PUM3: variants seen among roughly 807,000 people sequenced by gnomAD.
The protein encoded by PUM3 is pumilio RNA binding family member 3.
PUM3 carries 91 observed loss-of-function variants against 84.0 expected under a neutral mutation model. The ratio of observed to expected loss-of-function variants is 1.08; its 90% CI spans 0.91 to 1.29. The LOEUF (loss-of-function observed/expected upper bound fraction) is 1.29. PUM3 is among the 50% of genes most tolerant of loss of function. The pLI is 0.00. For missense variants in PUM3, 1,067 were observed against 767.5 expected (o/e 1.39, Z -4.61); for synonymous variants, 321 against 266.7 (o/e 1.20, Z -1.98).
At chr9:2,807,663 C>T in intron 17 of PUM3, 151 bp downstream of exon 17, 1 of 325,450 alleles carries the variant, frequency 3.1e-6, no homozygotes, top group Non-Finnish European at 5.8e-6. Flanking sequence ...CATTTGCTTT[C>T]TAATATTTGG....
chr9:2,838,013 G>C (rs1816175073), intron 2 of PUM3, among the ~76,000 whole-genome samples: 2 of 152,066 alleles, frequency 1.3e-5, no homozygotes, highest in South Asian at 4.1e-4. Context: ...CATTTGTATA[G>C]TCCCTTGACT....
chr9:2,811,492 C>T lies in PUM3; in HGVS notation c.1504G>A (p.Val502Met). ...SYLQEHAQEVVLDKSACVLVS... is the reference protein window; with the variant it reads ...SYLQEHAQEVMLDKSACVLVS... ...AACACACACGCAGACTTATCTAGCA[C>T]CACTTCTTGGGCGTGTTCTTGCAGG... The change falls in exon 15 of 18, where the codon GTG becomes ATG. Residue 502 changes from valine (V) to methionine (M), a missense_variant. By Grantham distance (21) the Val-to-Met change is conservative. Transcript: ENST00000397885. The T allele has an allele frequency of 6.2e-7, 1 of 1,614,178 alleles. No homozygotes were observed. The highest frequency in any genetic ancestry group is 8.5e-7 in the Non-Finnish European group (1 of 1,180,032).
intron 13 of PUM3, among the ~76,000 whole-genome samples, chr9:2,818,578 ATCAGCCAAT>A (rs1821520468): frequency 6.6e-6 from 1 of 152,250 alleles, no homozygotes; most frequent in Non-Finnish European, 1.5e-5. Flanking sequence ...AACTTTATTC[ATCAGCCAAT>A]TCTATGGCCT....
intron 12 of PUM3, among the ~76,000 whole-genome samples, chr9:2,823,211 AC>A (rs1267695918): frequency 6.6e-6 from 1 of 152,056 alleles, no homozygotes. Context: ...TTTTGAAGCA[AC>A]AAATCCCCCA....
chr9:2,808,030 C>T, intron 16 of PUM3, 126 bp from the exon 17 acceptor site: 1 of 627,262 alleles, frequency 1.6e-6, no homozygotes, highest in South Asian at 2.1e-5. Context: ...AGCTTTCACC[C>T]AATCTCCCTT....
intron 8 of PUM3, among the ~76,000 whole-genome samples, chr9:2,829,439 G>A (rs545239931): frequency 7.2e-4 from 110 of 152,338 alleles, no homozygotes; most frequent in African/African-American, 2.6e-3. Flanking sequence ...GCCAGAGCTG[G>A]TTGGGGGTGG....
intron 1 of PUM3, among the ~76,000 whole-genome samples, chr9:2,838,842 T>A (rs1044765694): frequency 1.3e-5 from 2 of 152,162 alleles, no homozygotes; most frequent in African/African-American, 4.8e-5. Flanking sequence ...ATAATAAGCA[T>A]CAGAGTTTGC....
intron 8 of PUM3, among the ~76,000 whole-genome samples, chr9:2,829,253 T>C (rs984443805): frequency 2.6e-5 from 4 of 152,206 alleles, no homozygotes; most frequent in African/African-American, 7.2e-5. Flanking sequence ...AGGTTTGAAA[T>C]AGATTCTTTA....
rs767879045 is a variant in PUM3, at chr9:2,837,366, C to T, written c.118G>A (p.Val40Ile). ...GSSKTFPTRK[V>I]AKEGGPKVTS... ...ACTTTAGGTCCACCTTCTTTAGCAA[C>T]TTTCCTTGTTGGAAATGTCTTTGAA... is the stretch of plus-strand genomic sequence containing the variant. Residue 40 changes from valine to isoleucine, a missense_variant, in exon 3 of 18, where the codon GTT (valine) becomes ATT (isoleucine). Transcript: ENST00000397885. The T allele has an allele frequency of 3.7e-6, 6 of 1,613,504 alleles. No individual in the cohort carries two copies. Among genetic ancestry groups the T allele is most frequent in the African/African-American group, 1.3e-5 (1 of 74,878 alleles).
At chr9:2,821,115 A>G (rs1003054975) in intron 12 of PUM3, among the ~76,000 whole-genome samples, 2 of 152,194 alleles carry the variant, frequency 1.3e-5, no homozygotes, top group African/African-American at 2.4e-5. Context: ...AAGACAAACA[A>G]CAAAGGTCTT....
Position 2,828,734 on chromosome 9 carries a change from T to C in PUM3, c.897A>G (p.Pro299=), listed in dbSNP as rs746378439. The change falls in exon 9 of 18, where the codon CCA becomes CCG. Residue 299 remains proline (P), a synonymous_variant. Transcript: ENST00000397885. ...RTLDKVLEVQ[P]EKLELIMDEM... ...CATCCATAATAAGTTCTAATTTTTCTGGCTGTACCTCTAACACTTTGTCCA... is the reference window on the plus strand; with the variant it reads ...CATCCATAATAAGTTCTAATTTTTCCGGCTGTACCTCTAACACTTTGTCCA... 1.2e-4 allele frequency: 192 copies of C among 1,609,736 alleles called. No homozygotes were observed. The highest frequency in any genetic ancestry group is 1.6e-4 in the Non-Finnish European group (190 of 1,176,256).
intron 15 of PUM3, among the ~76,000 whole-genome samples, chr9:2,810,844 A>G (rs1429125832): frequency 6.6e-6 from 1 of 152,210 alleles, no homozygotes; most frequent in Non-Finnish European, 1.5e-5. Flanking sequence ...AGTACACATG[A>G]CCACCGAAGG....
intron 5 of PUM3, among the ~76,000 whole-genome samples, 190 bp from the exon 6 acceptor site, chr9:2,831,534 A>T (rs1390441889): frequency 6.6e-6 from 1 of 152,208 alleles, no homozygotes; most frequent in Non-Finnish European, 1.5e-5. Flanking sequence ...GAGGCCTACC[A>T]TATTTGATAG....
At chr9:2,837,118 T>C in intron 3 of PUM3, 62 bp downstream of exon 3, 1 of 1,418,738 alleles carries the variant, frequency 7.0e-7, no homozygotes, top group African/African-American at 1.4e-5. Flanking sequence ...CTAACGCACC[T>C]CCAGAGTCCC....
intron 1 of PUM3, among the ~76,000 whole-genome samples, chr9:2,841,940 A>G (rs1816278435): frequency 6.6e-6 from 1 of 152,184 alleles, no homozygotes. Flanking sequence ...CTACCACAGT[A>G]TCTTACAGAA....
Position 2,812,375 on chromosome 9 carries a change from A to C in PUM3, c.1270-13T>G. On this transcript the variant is annotated splice_polypyrimidine_tract_variant and intron_variant, in intron 13 of 17. Coordinates refer to ENST00000397885, the MANE Select transcript of PUM3 (RefSeq NM_014878.5). The stretch of plus-strand genomic sequence containing the variant: ...AACTGATAATTTCCTATAAAATTAT[A>C]AACAAAAAAAAAGAATCAATATCTG... 6.6e-7 allele frequency: 1 copy of C among 1,505,682 alleles called. No individual in the cohort carries two copies. Among genetic ancestry groups the C allele is most frequent in the African/African-American group, 1.4e-5 (1 of 71,078 alleles). 93.3% of individuals were successfully genotyped at this position (1,505,682 alleles called of 1,614,324 possible).
chr9:2,824,519 G>C (rs759651495), intron 11 of PUM3, among the ~76,000 whole-genome samples, 198 bp downstream of exon 11: 26 of 152,212 alleles, frequency 1.7e-4, no homozygotes, highest in Non-Finnish European at 3.2e-4. Context: ...TTCTACTAAA[G>C]CAGAGGAAAG....
chr9:2,819,075 G>C (rs1380078184), intron 13 of PUM3, among the ~76,000 whole-genome samples: 2 of 152,176 alleles, frequency 1.3e-5, no homozygotes, highest in East Asian at 3.9e-4. Flanking sequence ...GTAATTTTCA[G>C]ATGAATAACC....
chr9:2,814,125 A>C (rs1227853231), intron 13 of PUM3, among the ~76,000 whole-genome samples: 1 of 152,288 alleles, frequency 6.6e-6, no homozygotes, highest in Non-Finnish European at 1.5e-5. Context: ...TTTCAGTAAC[A>C]AACGGGAAAA....
Sources: gnomAD v4.1 joint callset for allele counts (sites outside exome capture counted in the v4.1 genomes callset) on GRCh38, gnomAD v4.1.1 for gene constraint, MANE v1.5 for transcripts, NCBI Gene and HGNC (gene_info 2026-07-23, HGNC 2026-07-21) for gene names.